The following SOX6 variants were observed in gnomAD, a reference collection of about 807,000 sequenced individuals.
The protein encoded by SOX6 is transcription factor SOX-6.
SOX6 carries 11 observed loss-of-function variants against 97.8 expected under a neutral mutation model. The observed-to-expected ratio is 0.11, with a 90% confidence interval of 0.07 to 0.19. The LOEUF is 0.19. SOX6 is among the 10% of genes least tolerant of loss of function. The pLI is 1.00. For missense variants in SOX6, 810 were observed against 1,039.5 expected, an observed-to-expected ratio of 0.78 and a Z score of 3.04; for synonymous variants, 360 against 371.4, an observed-to-expected ratio of 0.97 and a Z score of 0.35.
At chr11:16,091,104 C>T (rs1389935903) in intron 9 of SOX6, among the ~76,000 whole-genome samples, 2 of 151,930 alleles carry the variant, frequency 1.3e-5, no homozygotes, top group East Asian at 3.9e-4. Context: ...GAGTTAATTC[C>T]ATTAGCCTAC....
intron 13 of SOX6, among the ~76,000 whole-genome samples, chr11:15,997,412 G>A (rs1854258919): frequency 6.6e-6 from 1 of 152,202 alleles, no homozygotes; most frequent in African/African-American, 2.4e-5. Context: ...TTGAGTGTAA[G>A]TGCAAAATTT....
At chr11:16,320,189 T>TA (rs1012195529) in intron 2 of SOX6, among the ~76,000 whole-genome samples, 1 of 152,084 alleles carries the variant, frequency 6.6e-6, no homozygotes, top group Non-Finnish European at 1.5e-5. Context: ...TATATTTATA[T>TA]AAAAAAGTGT....
intron 9 of SOX6, among the ~76,000 whole-genome samples, chr11:16,077,459 G>T (rs940540760): frequency 2.0e-5 from 3 of 152,042 alleles, no homozygotes; most frequent in Non-Finnish European, 4.4e-5. Flanking sequence ...TCATTATGGG[G>T]CATAAACCCA....
At chr11:16,319,538 G>C (rs769089310) in intron 2 of SOX6, among the ~76,000 whole-genome samples, 11 of 144,134 alleles carry the variant, frequency 7.6e-5, no homozygotes, top group Non-Finnish European at 1.5e-4. Context: ...CCTGGTGTGT[G>C]ATGTTCCCCT....
In SOX6 at chr11:16,132,282, G is replaced by T. The variant is rs55865896; in HGVS notation, c.778-20359C>A. Among the ~76,000 whole-genome samples, 218 of 45,466 alleles carry T rather than the reference G, an allele frequency of 4.8e-3. 3 individuals are homozygous for T. The highest frequency in any genetic ancestry group is 0.017 in the African/African-American group (209 of 12,338). The allele number at this position is 45,466 out of a possible 152,430, so 29.8% of individuals were successfully genotyped here. On this transcript the variant is annotated intron_variant, in intron 6 of 15. Transcript: ENST00000683767. The stretch of plus-strand genomic sequence containing the variant: ...AAGAAAGAAAGAAGGAAGGAAGGAA[G>T]GAAGGAAGGAAGGAAGGAAGGAAGG...
At chr11:15,985,078 G>A (rs953082681) in intron 15 of SOX6, among the ~76,000 whole-genome samples, 3 of 152,092 alleles carry the variant, frequency 2.0e-5, no homozygotes, top group African/African-American at 4.8e-5. Flanking sequence ...CGCTCCTCCC[G>A]AAAACACTGC....
At chr11:16,541,619 A>T (rs1861410140) in intron 4 of SOX6, among the ~76,000 whole-genome samples, 1 of 152,222 alleles carries the variant, frequency 6.6e-6, no homozygotes, top group African/African-American at 2.4e-5. Flanking sequence ...CAAATTTACA[A>T]GAAAAAAAAC....
At chr11:15,973,560 G>A (rs1853378875) in intron 15 of SOX6, among the ~76,000 whole-genome samples, 2 of 152,204 alleles carry the variant, frequency 1.3e-5, no homozygotes, top group Admixed American at 6.5e-5. Context: ...TTTGAGAAAT[G>A]TATAAATCAA....
intron 1 of SOX6, among the ~76,000 whole-genome samples, chr11:16,407,787 A>G (rs1433733230): frequency 1.3e-5 from 2 of 152,162 alleles, no homozygotes; most frequent in Non-Finnish European, 2.9e-5. Context: ...CAAGAAATAA[A>G]GGCCAGCAAA....
At chr11:16,451,074 AT>A (rs1448930352) in intron 1 of SOX6, among the ~76,000 whole-genome samples, 1 of 152,088 alleles carries the variant, frequency 6.6e-6, no homozygotes, top group Non-Finnish European at 1.5e-5. Flanking sequence ...CTACAAAAAA[AT>A]AAAAAAATTA....
chr11:16,464,772 A>G (rs1859996976), intron 1 of SOX6, among the ~76,000 whole-genome samples: 1 of 152,178 alleles, frequency 6.6e-6, no homozygotes. Context: ...CTTTACCGAG[A>G]GAAAGCAAAA....
At chr11:16,665,475 G>A (rs1564863452) in intron 3 of SOX6, among the ~76,000 whole-genome samples, 1 of 152,224 alleles carries the variant, frequency 6.6e-6, no homozygotes, top group Non-Finnish European at 1.5e-5. Context: ...GGGGAAAACA[G>A]TGGGAAGGAC....
intron 3 of SOX6, among the ~76,000 whole-genome samples, chr11:16,617,364 AAACTC>A (rs1336832224): frequency 1.3e-5 from 2 of 151,900 alleles, no homozygotes; most frequent in African/African-American, 2.4e-5. Flanking sequence ...GGAAAATACT[AAACTC>A]AACAGCTCAA....
intron 3 of SOX6, among the ~76,000 whole-genome samples, chr11:16,622,826 G>T (rs1848564225): frequency 6.6e-6 from 1 of 152,102 alleles, no homozygotes; most frequent in Non-Finnish European, 1.5e-5. Flanking sequence ...ACTTTTAGTT[G>T]TTTAGGAAAT....
At chr11:16,180,222 T>C (rs1353730301) in intron 6 of SOX6, among the ~76,000 whole-genome samples, 5 of 151,870 alleles carry the variant, frequency 3.3e-5, no homozygotes, top group African/African-American at 1.2e-4. Flanking sequence ...TGCTTTGATC[T>C]GTTTACAACT....
In SOX6 at chr11:16,341,265, A is replaced by C. The variant is rs761254786; in HGVS notation, c.-4-13T>G. On this transcript the variant is annotated splice_polypyrimidine_tract_variant and intron_variant, in intron 1 of 15. Coordinates refer to ENST00000683767, the MANE Select transcript of SOX6 (RefSeq NM_001367873.1). ...GGAAGACATTCTTCTGCAGAAAAAA[A>C]ACAGAACGGATTAAAAATGGCTGTC... is the stretch of plus-strand genomic sequence containing the variant. The C allele has an allele frequency of 4.3e-6, 7 of 1,612,290 alleles. No homozygotes were observed. Among genetic ancestry groups the C allele is most frequent in the Non-Finnish European group, 5.9e-6 (7 of 1,178,966 alleles).
chr11:16,574,129 T>C (rs1847962072), intron 4 of SOX6, among the ~76,000 whole-genome samples: 1 of 152,156 alleles, frequency 6.6e-6, no homozygotes, highest in East Asian at 1.9e-4. Flanking sequence ...TGTGTGGAAC[T>C]CAACAAGTTA....
intron 13 of SOX6, among the ~76,000 whole-genome samples, chr11:15,994,578 A>G (rs1175458359): frequency 1.3e-5 from 2 of 152,164 alleles, no homozygotes; most frequent in African/African-American, 4.8e-5. Context: ...ATGTTCTAGA[A>G]GAGATCAAAA....
At chr11:16,633,693 C>T (rs1848745047) in intron 3 of SOX6, among the ~76,000 whole-genome samples, 1 of 151,856 alleles carries the variant, frequency 6.6e-6, no homozygotes. Flanking sequence ...ATCAGGGCCA[C>T]CAGAGAGTAA....
Sources: gnomAD v4.1 joint callset for allele counts (sites outside exome capture counted in the v4.1 genomes callset) on GRCh38, gnomAD v4.1.1 for gene constraint, MANE v1.5 for transcripts, NCBI Gene and HGNC (gene_info 2026-07-23, HGNC 2026-07-21) for gene names.